Variants in DLGAP2 observed in about 807,000 individuals in gnomAD.
DLGAP2 encodes the protein disks large-associated protein 2.
A neutral mutation model predicts 100.3 loss-of-function variants in DLGAP2; 26 were observed. The ratio of observed to expected loss-of-function variants is 0.26; its 90% CI spans 0.19 to 0.36. The LOEUF (loss-of-function observed/expected upper bound fraction) is 0.36, where lower values mean the gene tolerates loss of function less well. Ranked by LOEUF, DLGAP2 falls within the 10% of genes least tolerant of loss-of-function variation. The pLI is 1.00. For missense variants in DLGAP2, 1,858 were observed against 1,453.2 expected, an observed-to-expected ratio of 1.28 and a Z score of -4.53; for synonymous variants, 886 against 630.1, an observed-to-expected ratio of 1.41 and a Z score of -6.08.
chr8:1,269,029 A>G (rs1365071206), intron 3 of DLGAP2, among the ~76,000 whole-genome samples: 3 of 152,174 alleles, frequency 2.0e-5, no homozygotes, highest in East Asian at 3.9e-4. Context: ...AGAGACAAGG[A>G]ACAGAATTCC....
At chr8:1,463,588 G>T (rs1048115301) in intron 3 of DLGAP2, among the ~76,000 whole-genome samples, 19 of 152,358 alleles carry the variant, frequency 1.2e-4, no homozygotes, top group Non-Finnish European at 1.9e-4. Flanking sequence ...GGGGTCCAGT[G>T]GTTTAAGCCT....
At chr8:1,528,458 A>T (rs558107840) in intron 4 of DLGAP2, among the ~76,000 whole-genome samples, 56 of 152,352 alleles carry the variant, frequency 3.7e-4, no homozygotes, top group African/African-American at 1.3e-3. Context: ...TCTCACATCT[A>T]TGAAAACTTC....
At chr8:971,609 G>C (rs1332562790) in intron 2 of DLGAP2, among the ~76,000 whole-genome samples, 1 of 152,188 alleles carries the variant, frequency 6.6e-6, no homozygotes, top group Non-Finnish European at 1.5e-5. Flanking sequence ...ACTTGTGTGA[G>C]TTTTATTTCT....
At chr8:825,480 C>G (rs190534659) in intron 1 of DLGAP2, among the ~76,000 whole-genome samples, 2 of 152,330 alleles carry the variant, frequency 1.3e-5, no homozygotes, top group African/African-American at 4.8e-5. Context: ...TTCAGCACCA[C>G]CAAGTCCTGT....
chr8:1,464,458 A>G (rs941211646), intron 3 of DLGAP2, among the ~76,000 whole-genome samples: 2 of 140,338 alleles, frequency 1.4e-5, no homozygotes. Flanking sequence ...CCCAGGCAGT[A>G]AGTCACCATC....
chr8:1,099,032 G>T lies in DLGAP2; in HGVS notation c.74-159819G>T, dbSNP rs375346074. 1.4e-3 allele frequency among the ~76,000 whole-genome samples: 218 copies of T among 152,312 alleles called. 10 individuals are homozygous for T. In the South Asian group the frequency reaches 0.043, roughly 30 times the overall value. ...ACATTTCATGGCTCACTCCTCTGGG[G>T]CTAGTGTGTATTTTAGAAAATACTG... On this transcript the variant is annotated intron_variant, in intron 2 of 14. Transcript: ENST00000637795.
chr8:1,379,054 A>C (rs935362945), intron 3 of DLGAP2, among the ~76,000 whole-genome samples: 1 of 152,252 alleles, frequency 6.6e-6, no homozygotes, highest in Non-Finnish European at 1.5e-5. Flanking sequence ...AAAAAATTCA[A>C]TTTCTTTCCC....
chr8:979,956 C>A (rs1482383016), intron 2 of DLGAP2, among the ~76,000 whole-genome samples: 1 of 152,150 alleles, frequency 6.6e-6, no homozygotes, highest in African/African-American at 2.4e-5. Context: ...GGGAGTGAGG[C>A]ACGCAGAACC....
At chr8:1,345,580 A>T (rs534550702) in intron 3 of DLGAP2, among the ~76,000 whole-genome samples, 3 of 152,344 alleles carry the variant, frequency 2.0e-5, no homozygotes, top group African/African-American at 7.2e-5. Flanking sequence ...CATTGTGTGG[A>T]TGTAATTCCT....
chr8:1,559,778 C>A (rs993550179), intron 5 of DLGAP2, among the ~76,000 whole-genome samples: 6 of 152,268 alleles, frequency 3.9e-5, no homozygotes, highest in African/African-American at 1.4e-4. Flanking sequence ...GCTTTTCACA[C>A]ATTCCCAGGA....
At position 1,470,201 on chromosome 8, in the gene DLGAP2, C is replaced by G. The variant is rs372114747; in HGVS notation, c.107-31165C>G. ...AGTTGTGGCTGCTGAAAGACAGGAT[C>G]ATGCCAGACCATGGATGCTTCACTC... On this transcript the variant is annotated intron_variant, in intron 3 of 14. Coordinates refer to ENST00000637795, the MANE Select transcript of DLGAP2 (RefSeq NM_001346810.2). Among the ~76,000 whole-genome samples the G allele has an allele frequency of 9.2e-5, 14 of 152,152 alleles. 1 individual carries two copies. The highest frequency in any genetic ancestry group is 3.4e-4 in the African/African-American group (14 of 41,514).
At chr8:1,346,040 C>T (rs760621186) in intron 3 of DLGAP2, among the ~76,000 whole-genome samples, 6 of 152,360 alleles carry the variant, frequency 3.9e-5, no homozygotes, top group Non-Finnish European at 5.9e-5. Flanking sequence ...TCAATGCCCA[C>T]GCCATGGGCA....
chr8:958,258 C>T (rs1348302625), intron 2 of DLGAP2, among the ~76,000 whole-genome samples: 1 of 152,050 alleles, frequency 6.6e-6, no homozygotes, highest in Non-Finnish European at 1.5e-5. Flanking sequence ...GTGTGGACAC[C>T]CCCCCACCGC....
chr8:1,409,813 G>C (rs1380633665), intron 3 of DLGAP2, among the ~76,000 whole-genome samples: 1 of 152,154 alleles, frequency 6.6e-6, no homozygotes, highest in African/African-American at 2.4e-5. Flanking sequence ...CTCCACCAGA[G>C]CCCCAGGGCC....
chr8:842,613 G>A (rs760898173), intron 1 of DLGAP2, among the ~76,000 whole-genome samples: 2 of 103,726 alleles, frequency 1.9e-5, no homozygotes, highest in Non-Finnish European at 4.1e-5. Context: ...GAACGTTTAC[G>A]AATTATAGCT....
rs958701007 is a variant in DLGAP2 at position 1,703,079 on chromosome 8, A to G, written c.*1673A>G. ...CAGAGCTGCGGTGTCTCCCTGCCTCATTCCCCACATCCCACTGAGCATGGG... is the reference window on the plus strand; with the variant it reads ...CAGAGCTGCGGTGTCTCCCTGCCTCGTTCCCCACATCCCACTGAGCATGGG... On this transcript the variant is annotated 3_prime_UTR_variant, in exon 15 of 15. Coordinates refer to ENST00000637795, the MANE Select transcript of DLGAP2 (RefSeq NM_001346810.2). 2.0e-5 allele frequency: 3 copies of G among 152,638 alleles called. No homozygotes were observed. The highest frequency in any genetic ancestry group is 7.2e-5 in the African/African-American group (3 of 41,436). The allele number at this position is 152,638 out of a possible 1,614,324, so 9.5% of individuals were successfully genotyped here.
intron 3 of DLGAP2, among the ~76,000 whole-genome samples, chr8:1,277,148 T>A (rs1563057118): frequency 6.6e-6 from 1 of 152,236 alleles, no homozygotes; most frequent in Non-Finnish European, 1.5e-5. Context: ...TAGGGCAGAA[T>A]CTAGAAATCT....
chr8:1,328,749 C>A (rs148855693), intron 3 of DLGAP2, among the ~76,000 whole-genome samples: 1 of 152,222 alleles, frequency 6.6e-6, no homozygotes, highest in Non-Finnish European at 1.5e-5. Context: ...ATGAACTAAG[C>A]TTCCCATAAT....
At chr8:1,575,048 T>A (rs1802909922) in intron 6 of DLGAP2, among the ~76,000 whole-genome samples, 1 of 152,138 alleles carries the variant, frequency 6.6e-6, no homozygotes, top group African/African-American at 2.4e-5. Context: ...AAACGCAATG[T>A]TAGGTCATAA....
Sources: gnomAD v4.1 joint callset for allele counts (sites outside exome capture counted in the v4.1 genomes callset) on GRCh38, gnomAD v4.1.1 for gene constraint, MANE v1.5 for transcripts, NCBI Gene and HGNC (gene_info 2026-07-23, HGNC 2026-07-21) for gene names.